Variants in ARHGEF10 observed in about 807,000 individuals in gnomAD.
ARHGEF10 encodes the protein Rho guanine nucleotide exchange factor 10, also known as Rho guanine nucleotide exchange factor (GEF) 10.
ARHGEF10 carries 140 observed loss-of-function variants against 147.4 expected under a neutral mutation model. The ratio of observed to expected loss-of-function variants is 0.95; its 90% CI spans 0.83 to 1.09. The LOEUF (loss-of-function observed/expected upper bound fraction) is 1.09. Ranked by LOEUF, ARHGEF10 falls within the 50% of genes least tolerant of loss-of-function variation. The pLI is 0.00. For missense variants in ARHGEF10, 2,222 were observed against 1,752.7 expected (o/e 1.27, Z -4.78); for synonymous variants, 902 against 695.8 (o/e 1.30, Z -4.67).
In ARHGEF10 at chr8:1,957,416, G is replaced by C. The variant is rs80095469; in HGVS notation, c.*153G>C. The C allele has an allele frequency of 5.0e-5, 54 of 1,090,592 alleles. No homozygotes were observed. The Admixed American group carries it at 1.2e-3, about 24-fold the overall frequency. The allele number at this position is 1,090,592 out of a possible 1,614,324, so 67.6% of individuals were successfully genotyped here. A position where few individuals can be genotyped will look rare whatever the true frequency, so the allele number is the denominator to read the frequency against. On this transcript the variant is annotated 3_prime_UTR_variant, in exon 29 of 29. Transcript: ENST00000349830. Reference sequence around the variant, plus strand: ...AAACGTGCAATAGCGTAATGGTGGTGTCCCTGCCAATTCCTTCCTTCTCTT... The same window carrying C: ...AAACGTGCAATAGCGTAATGGTGGTCTCCCTGCCAATTCCTTCCTTCTCTT...
At chr8:1,936,854 C>T (rs1253359046) in intron 26 of ARHGEF10, among the ~76,000 whole-genome samples, 3 of 152,308 alleles carry the variant, frequency 2.0e-5, no homozygotes, top group South Asian at 4.1e-4. Context: ...ACGTGGACAC[C>T]GCTTTGGCTT....
intron 8 of ARHGEF10, among the ~76,000 whole-genome samples, chr8:1,877,404 T>G (rs75857084): frequency 3.0e-4 from 46 of 152,224 alleles, no homozygotes; most frequent in African/African-American, 1.0e-3. Context: ...ATTTTCGTAT[T>G]TTTATTAGAG....
At chr8:1,899,116 G>A (rs150638788) in intron 15 of ARHGEF10, among the ~76,000 whole-genome samples, 1 of 152,354 alleles carries the variant, frequency 6.6e-6, no homozygotes, top group Non-Finnish European at 1.5e-5. Flanking sequence ...GCTGTGAACA[G>A]TAGGCCTGTT....
At chr8:1,922,178 G>A (rs770410993) in intron 18 of ARHGEF10, among the ~76,000 whole-genome samples, 2 of 151,690 alleles carry the variant, frequency 1.3e-5, no homozygotes, top group Non-Finnish European at 2.9e-5. Context: ...TCTGTGAGGG[G>A]TAGAGCAATT....
chr8:1,930,628 C>T (rs1459760787), intron 25 of ARHGEF10, among the ~76,000 whole-genome samples: 1 of 152,160 alleles, frequency 6.6e-6, no homozygotes, highest in Non-Finnish European at 1.5e-5. Context: ...CTGAGTGCTG[C>T]TATTGGAGTT....
chr8:1,888,774 CACTG>C (rs1430952795), intron 11 of ARHGEF10, among the ~76,000 whole-genome samples: 3 of 68,800 alleles, frequency 4.4e-5, no homozygotes, highest in Admixed American at 1.8e-4. Flanking sequence ...TGTGAGGAGA[CACTG>C]AGTGGGGTGA....
At position 1,930,986 on chromosome 8, in the gene ARHGEF10, C is replaced by T. The variant is rs140928199; in HGVS notation, c.3079+1543C>T. Among the ~76,000 whole-genome samples the T allele has an allele frequency of 4.6e-5, 7 of 152,378 alleles. No individual in the cohort carries two copies. In the East Asian group the frequency reaches 1.3e-3, roughly 29 times the overall value. ...CCCCGGCCTGGATTCCGGTCTGCAC[C>T]CCCTCTTCACTTGGCCTCATGATTT... On this transcript the variant is annotated intron_variant, in intron 25 of 28. Transcript: ENST00000349830.
intron 18 of ARHGEF10, among the ~76,000 whole-genome samples, chr8:1,915,219 G>T (rs1044701272): frequency 5.3e-5 from 8 of 152,334 alleles, no homozygotes; most frequent in Admixed American, 5.2e-4. Context: ...GCTGACTCCG[G>T]ATGGAAGGCA....
intron 17 of ARHGEF10, 55 bp from the exon 18 acceptor site, chr8:1,909,240 A>G: frequency 6.2e-7 from 1 of 1,607,366 alleles, no homozygotes; most frequent in Non-Finnish European, 8.5e-7. Context: ...GATGAACATT[A>G]CCATAACGTG....
chr8:1,886,605 C>T (rs544945605), intron 11 of ARHGEF10, among the ~76,000 whole-genome samples: 10 of 152,310 alleles, frequency 6.6e-5, no homozygotes, highest in African/African-American at 1.4e-4. Context: ...CAGCATCACA[C>T]GAGTGACGGG....
At chr8:1,944,773 A>G (rs1814426082) in intron 26 of ARHGEF10, among the ~76,000 whole-genome samples, 1 of 152,056 alleles carries the variant, frequency 6.6e-6, no homozygotes, top group Non-Finnish European at 1.5e-5. Context: ...ACCCCCTCCA[A>G]TCCCTGATGG....
At chr8:1,831,770 A>G (rs1258593902) in intron 1 of ARHGEF10, among the ~76,000 whole-genome samples, 1 of 152,248 alleles carries the variant, frequency 6.6e-6, no homozygotes, top group Non-Finnish European at 1.5e-5. Context: ...ACACCTGCAC[A>G]GGGTGCTCCT....
At chr8:1,823,728 C>T (rs1018337196), upstream of ARHGEF10, among the ~76,000 whole-genome samples, 1 of 151,810 alleles carries the variant, frequency 6.6e-6, no homozygotes, top group African/African-American at 2.4e-5. Flanking sequence ...CCGCGCGCCC[C>T]CTCCCACGCG....
intron 2 of ARHGEF10, 145 bp downstream of exon 2, chr8:1,843,581 C>T (rs149332662): frequency 1.8e-4 from 134 of 726,770 alleles, no homozygotes; most frequent in African/African-American, 5.5e-4. Context: ...AAGGTTCTGA[C>T]GTGAGCCTGG....
chr8:1,909,280 T>C lies in ARHGEF10; in HGVS notation c.1968-15T>C, dbSNP rs1811164505. Reference sequence around the variant, plus strand: ...TGTAATTATTCGTAAAACAAGGATCTTTTGGTCGTTTCAGCCCCTCTCATG... The same window carrying C: ...TGTAATTATTCGTAAAACAAGGATCCTTTGGTCGTTTCAGCCCCTCTCATG... On this transcript the variant is annotated splice_polypyrimidine_tract_variant and intron_variant, in intron 17 of 28. Coordinates refer to ENST00000349830, the MANE Select transcript of ARHGEF10 (RefSeq NM_014629.4). 6.2e-7 allele frequency: 1 copy of C among 1,614,022 alleles called. No individual in the cohort carries two copies. Among genetic ancestry groups the C allele is most frequent in the African/African-American group, 1.3e-5 (1 of 74,938 alleles).
intron 11 of ARHGEF10, among the ~76,000 whole-genome samples, chr8:1,888,332 C>CTGTGAGGAGACACTGAGTGGGGTGAGGGT: frequency 2.1e-5 from 1 of 46,550 alleles, no homozygotes; most frequent in Admixed American, 1.9e-4. Flanking sequence ...GGGATGTTGA[C>CTGTGAGGAGACACTGAGTGGGGTGAGGGT]TGTGAGGAGA....
chr8:1,952,801 G>A lies in ARHGEF10; in HGVS notation c.3494G>A (p.Arg1165His), dbSNP rs537662238. 1.8e-5 allele frequency: 29 copies of A among 1,613,860 alleles called. No homozygotes were observed. The highest frequency in any genetic ancestry group is 2.1e-5 in the Non-Finnish European group (25 of 1,180,048). The stretch of plus-strand genomic sequence containing the variant: ...GTCCTCGTGGCCCTGCCGGTCCCAC[G>A]TCTGCAAGGGATTCCCAAAGTGACC... ...LGVLVALPVPRLQGIPKVTGR... is the reference protein window; with the variant it reads ...LGVLVALPVPHLQGIPKVTGR... The change falls in exon 28 of 29, where the codon CGT (arginine) becomes CAT (histidine). Residue 1165 changes from arginine to histidine, a missense_variant. Physicochemically the swap from Arg to His is conservative, Grantham distance 29. Transcript: ENST00000349830.
Position 1,888,161 on chromosome 8 carries a change from TGCGAGGAGACAGTG to T in ARHGEF10, c.1182+2455_1182+2468del, listed in dbSNP as rs1428166337. Among the ~76,000 whole-genome samples, 11 of 81,770 alleles carry T rather than the reference TGCGAGGAGACAGTG, an allele frequency of 1.3e-4. 2 individuals carry two copies. The highest frequency in any genetic ancestry group is 2.9e-4 in the Non-Finnish European group (11 of 37,524). 53.6% of individuals were successfully genotyped at this position (81,770 alleles called of 152,430 possible). ...AGGAGACACTTAGTGGGGCGAGGGT[TGCGAGGAGACAGTG>T]AGTGGGGTGAGGGTTTGCGAGGAGA... On this transcript the variant is annotated intron_variant, in intron 11 of 28. Transcript: ENST00000349830.
At chr8:1,940,868 A>G (rs1266983002) in intron 26 of ARHGEF10, among the ~76,000 whole-genome samples, 2 of 152,328 alleles carry the variant, frequency 1.3e-5, no homozygotes, top group East Asian at 3.9e-4. Context: ...AATGGGGAAA[A>G]AACCCACATG....
Sources: gnomAD v4.1 joint callset for allele counts (sites outside exome capture counted in the v4.1 genomes callset) on GRCh38, gnomAD v4.1.1 for gene constraint, MANE v1.5 for transcripts, NCBI Gene and HGNC (gene_info 2026-07-23, HGNC 2026-07-21) for gene names.